The following VWA3B variants were observed in gnomAD, a reference collection of about 807,000 sequenced individuals.
The protein encoded by VWA3B is von Willebrand factor A domain containing 3B.
VWA3B carries 138 observed loss-of-function variants against 158.3 expected under a neutral mutation model. That is an observed-to-expected ratio of 0.87 (90% CI 0.76 to 1.00). VWA3B has a LOEUF of 1.00. Among genes scored for constraint, VWA3B ranks in the 50% least tolerant of loss-of-function variants. The probability of loss-of-function intolerance (pLI) is 0.00; values close to 1 mark genes in which losing one functional copy is unlikely to be tolerated. For missense variants in VWA3B, 1,555 were observed against 1,565.1 expected (o/e 0.99, Z 0.11); for synonymous variants, 596 against 587.3 (o/e 1.01, Z -0.21).
chr2:98,295,716 A>T (rs1689764223), intron 23 of VWA3B, among the ~76,000 whole-genome samples: 1 of 152,348 alleles, frequency 6.6e-6, no homozygotes, highest in African/African-American at 2.4e-5. Context: ...ACACAGCCTC[A>T]CCTCTCAAGG....
chr2:98,324,369 GC>G, the VWA3B span, among the ~76,000 whole-genome samples: 1 of 152,116 alleles, frequency 6.6e-6, no homozygotes, highest in Non-Finnish European at 1.5e-5. Flanking sequence ...CGCTGTGTTG[GC>G]CAGACTAGTC....
chr2:98,100,134 T>A (rs2104845738), intron 2 of VWA3B, among the ~76,000 whole-genome samples: 1 of 152,340 alleles, frequency 6.6e-6, no homozygotes, highest in South Asian at 2.1e-4. Flanking sequence ...TCGTTCTTGA[T>A]CCTTGTGGTT....
intron 26 of VWA3B, 48 bp from the exon 27 acceptor site, chr2:98,311,771 C>T (rs1690908432): frequency 6.7e-7 from 1 of 1,500,472 alleles, no homozygotes; most frequent in African/African-American, 1.4e-5. Context: ...TCTCTGTAGA[C>T]CCCGCAGCCA....
chr2:98,142,480 A>T (rs756668598), intron 7 of VWA3B, among the ~76,000 whole-genome samples: 1 of 152,208 alleles, frequency 6.6e-6, no homozygotes, highest in Non-Finnish European at 1.5e-5. Flanking sequence ...GTTCAGGCTT[A>T]AAAAAGCCTG....
chr2:98,222,284 C>T (rs1684575847), intron 14 of VWA3B, among the ~76,000 whole-genome samples: 1 of 152,216 alleles, frequency 6.6e-6, no homozygotes, highest in Admixed American at 6.5e-5. Context: ...TGACAGCTCA[C>T]CTTGACAAAA....
intron 14 of VWA3B, among the ~76,000 whole-genome samples, chr2:98,224,397 T>C (rs1474909077): frequency 6.6e-6 from 1 of 152,168 alleles, no homozygotes; most frequent in African/African-American, 2.4e-5. Flanking sequence ...GACAATAATA[T>C]TTAAAGCTGG....
intron 22 of VWA3B, among the ~76,000 whole-genome samples, chr2:98,273,231 G>T (rs543320008): frequency 2.0e-5 from 3 of 152,264 alleles, no homozygotes; most frequent in African/African-American, 7.2e-5. Flanking sequence ...TACTGGTTTA[G>T]CCTGGCTTAA....
At chr2:98,164,667 T>A (rs1483201157) in intron 8 of VWA3B, among the ~76,000 whole-genome samples, 1 of 152,224 alleles carries the variant, frequency 6.6e-6, no homozygotes, top group African/African-American at 2.4e-5. Flanking sequence ...GCAGTGAGGC[T>A]GTACTCATCT....
chr2:98,188,966 A>G (rs1681356330), intron 10 of VWA3B, among the ~76,000 whole-genome samples: 1 of 152,176 alleles, frequency 6.6e-6, no homozygotes, highest in East Asian at 1.9e-4. Context: ...TCTAGGCCAC[A>G]CGTGTATTGC....
chr2:98,118,425 A>G lies in VWA3B; in HGVS notation c.292-1088A>G, dbSNP rs190505362. On this transcript the variant is annotated intron_variant, in intron 3 of 27. Coordinates refer to ENST00000477737, the MANE Select transcript of VWA3B (RefSeq NM_144992.5). ...GGTCTGAAAGCACATTTTCCAAGATAAAGTACCGTATCTTCTTTTAAAATG... is the reference window on the plus strand; with the variant it reads ...GGTCTGAAAGCACATTTTCCAAGATGAAGTACCGTATCTTCTTTTAAAATG... Among the ~76,000 whole-genome samples the G allele has an allele frequency of 1.0e-3, 153 of 152,302 alleles. 1 individual carries two copies. Among genetic ancestry groups the G allele is most frequent in the Admixed American group, 1.8e-3 (27 of 15,298 alleles).
intron 20 of VWA3B, among the ~76,000 whole-genome samples, chr2:98,251,332 T>G (rs576180272): frequency 7.1e-4 from 108 of 152,176 alleles, no homozygotes; most frequent in Non-Finnish European, 1.3e-3. Flanking sequence ...ATAAAGTGAC[T>G]AATAAAACTC....
At chr2:98,134,508 C>T (rs140711186) in intron 7 of VWA3B, among the ~76,000 whole-genome samples, 33 of 152,228 alleles carry the variant, frequency 2.2e-4, no homozygotes, top group Admixed American at 1.7e-3. Context: ...TTCAGAAAAA[C>T]AGTGGAAGGT....
intron 25 of VWA3B, among the ~76,000 whole-genome samples, chr2:98,303,421 G>GGGGTGT (rs1442576450): frequency 3.4e-5 from 5 of 146,552 alleles, no homozygotes; most frequent in Non-Finnish European, 7.5e-5. Context: ...GTTATGTGAA[G>GGGGTGT]GTGTGTGTGT....
intron 21 of VWA3B, among the ~76,000 whole-genome samples, chr2:98,260,440 T>A (rs1687411589): frequency 1.3e-5 from 2 of 151,712 alleles, no homozygotes; most frequent in Admixed American, 1.3e-4. Context: ...ACAATAAAAA[T>A]GCAAGTAAAA....
chr2:98,207,096 G>C (rs1306680811), intron 12 of VWA3B: 1 of 523,724 alleles, frequency 1.9e-6, no homozygotes, highest in East Asian at 5.4e-5. Context: ...CTGGCTCAAG[G>C]GTGTCTGCCT....
At chr2:98,311,318 T>C (rs555272210) in intron 26 of VWA3B, among the ~76,000 whole-genome samples, 1 of 152,372 alleles carries the variant, frequency 6.6e-6, no homozygotes, top group South Asian at 2.1e-4. Flanking sequence ...TGTGACTTCA[T>C]AGTCATTCCT....
chr2:98,199,086 CA>C (rs35508873), intron 12 of VWA3B, among the ~76,000 whole-genome samples: 35 of 143,890 alleles, frequency 2.4e-4, no homozygotes, highest in Admixed American at 3.5e-4. Flanking sequence ...GACTCCGTCT[CA>C]AAAAAAAAAA....
intron 8 of VWA3B, among the ~76,000 whole-genome samples, chr2:98,168,359 A>G (rs1679272888): frequency 7.0e-6 from 1 of 142,380 alleles, no homozygotes; most frequent in South Asian, 2.4e-4. Flanking sequence ...CCTTTGTTTC[A>G]ATCTAATACA....
Position 98,216,951 on chromosome 2 carries a change from G to T in VWA3B, c.1837-895G>T, listed in dbSNP as rs534888901. Reference sequence around the variant, plus strand: ...CCATACAGCTGAAGACAGCATGAGTGGGAGAGACTGTCATGTGTATCATTG... The same window carrying T: ...CCATACAGCTGAAGACAGCATGAGTTGGAGAGACTGTCATGTGTATCATTG... On this transcript the variant is annotated intron_variant, in intron 13 of 27. Coordinates refer to ENST00000477737, the MANE Select transcript of VWA3B (RefSeq NM_144992.5). 3.9e-6 allele frequency: 5 copies of T among 1,297,694 alleles called. No homozygotes were observed. The African/African-American group carries it at 6.2e-5, about 16-fold the overall frequency. 80.4% of individuals were successfully genotyped at this position (1,297,694 alleles called of 1,614,324 possible).
Sources: allele counts gnomAD v4.1 joint callset (sites outside exome capture counted in the v4.1 genomes callset), GRCh38; gene constraint gnomAD v4.1.1; transcripts MANE v1.5; gene names NCBI Gene and HGNC (gene_info 2026-07-23, HGNC 2026-07-21).